The following FOXJ2 variants were observed in gnomAD, a reference collection of about 807,000 sequenced individuals.
The protein encoded by FOXJ2 is forkhead box protein J2.
Under a neutral mutation model 68.4 loss-of-function variants are expected in FOXJ2, and 18 were observed. The observed-to-expected ratio is 0.26, with a 90% CI of 0.18 to 0.39. The LOEUF (loss-of-function observed/expected upper bound fraction) is 0.39. Ranked by LOEUF, FOXJ2 falls within the 10% of genes least tolerant of loss-of-function variation. The pLI is 1.00. For synonymous variants in FOXJ2, 274 were observed against 263.2 expected (o/e 1.04, Z -0.40); for missense variants, 670 against 726.5 (o/e 0.92, Z 0.89).
In FOXJ2 at chr12:8,055,110, A is replaced by C. The variant is rs1176591444; in HGVS notation, c.*2260A>C. 2.0e-5 allele frequency: 3 copies of C among 152,572 alleles called. No homozygotes were observed. Among genetic ancestry groups the C allele is most frequent in the African/African-American group, 7.2e-5 (3 of 41,462 alleles). 9.5% of individuals were successfully genotyped at this position (152,572 alleles called of 1,614,324 possible). ...CCAGTCTTGCTACGTGGCACAGGGC[A>C]AACCTGACTCCCTTTGGGCCTCAGT... On this transcript the variant is annotated 3_prime_UTR_variant, in exon 11 of 11. Coordinates refer to ENST00000162391, the MANE Select transcript of FOXJ2 (RefSeq NM_018416.3).
Position 8,040,396 on chromosome 12 carries a change from G to A in FOXJ2, c.333+231G>A, listed in dbSNP as rs930358590. Among the ~76,000 whole-genome samples, 4 of 151,744 alleles carry A rather than the reference G, an allele frequency of 2.6e-5. No individual in the cohort carries two copies. Among genetic ancestry groups the A allele is most frequent in the Non-Finnish European group, 4.4e-5 (3 of 67,928 alleles). Reference sequence around the variant, plus strand: ...TTAAGTATAGTGATGGGGATGGCAGGACGCTGTTGCTCATCACACCCTCTT... The same window carrying A: ...TTAAGTATAGTGATGGGGATGGCAGAACGCTGTTGCTCATCACACCCTCTT... On this transcript the variant is annotated intron_variant, in intron 2 of 10. Transcript: ENST00000162391. This position sits in a 1 kb window ranked among gnomAD's most constrained non-coding sequence, Gnocchi z 4.0.
At chr12:8,044,718 C>T (rs1446012452) in intron 5 of FOXJ2, 42 bp from the exon 6 acceptor site, 6 of 1,607,572 alleles carry the variant, frequency 3.7e-6, no homozygotes, top group Non-Finnish European at 5.1e-6. Flanking sequence ...ATTGGTCCCT[C>T]AGCTGGGACA....
chr12:8,042,102 T>G (rs181338656), intron 2 of FOXJ2, among the ~76,000 whole-genome samples: 3 of 152,296 alleles, frequency 2.0e-5, no homozygotes, highest in African/African-American at 7.2e-5. Context: ...GGTCTCGAAC[T>G]CCTGACCTCA....
At chr12:8,046,754 A>G (rs1284601439) in intron 6 of FOXJ2, among the ~76,000 whole-genome samples, 1 of 152,148 alleles carries the variant, frequency 6.6e-6, no homozygotes, top group African/African-American at 2.4e-5. Flanking sequence ...CAGTAGCCCT[A>G]TGTTGGCAGC....
Position 8,052,969 on chromosome 12 carries a change from T to C in FOXJ2, c.*119T>C. 1 of 614,080 alleles carries C rather than the reference T, an allele frequency of 1.6e-6. No individual in the cohort carries two copies. The highest frequency in any genetic ancestry group is 2.7e-6 in the Non-Finnish European group (1 of 364,996). The allele number at this position is 614,080 out of a possible 1,614,324, so 38.0% of individuals were successfully genotyped here. ...TATATAGACATATATCCTCTTTTTG[T>C]TCTTTCTCTGTCAGAGAAGCCACTG... On this transcript the variant is annotated 3_prime_UTR_variant, in exon 11 of 11. Coordinates refer to ENST00000162391, the MANE Select transcript of FOXJ2 (RefSeq NM_018416.3).
At chr12:8,049,783 A>G (rs1341358118) in intron 9 of FOXJ2, 5 of 473,466 alleles carry the variant, frequency 1.1e-5, no homozygotes, top group African/African-American at 9.7e-5. Context: ...ATTCCTTTTT[A>G]GACCTCAGTT....
At chr12:8,049,665 T>G (rs1242805337) in intron 9 of FOXJ2, 94 bp downstream of exon 9, 1 of 1,242,448 alleles carries the variant, frequency 8.0e-7, no homozygotes, top group Non-Finnish European at 1.1e-6. Context: ...AAGGATTTTA[T>G]GGGGCAGTGA....
chr12:8,051,955 G>A (rs1361956953), intron 10 of FOXJ2, among the ~76,000 whole-genome samples: 2 of 150,928 alleles, frequency 1.3e-5, no homozygotes, highest in African/African-American at 2.4e-5. Flanking sequence ...TGCAACCTCC[G>A]CCTCCCAGGT....
intron 2 of FOXJ2, among the ~76,000 whole-genome samples, chr12:8,041,537 A>G (rs1200214312): frequency 6.7e-6 from 1 of 150,316 alleles, no homozygotes; most frequent in Non-Finnish European, 1.5e-5. Context: ...ATTTTAAGAC[A>G]GGGTCTTGCT....
Position 8,033,505 on chromosome 12 carries a change from G to C in FOXJ2, c.-343G>C, listed in dbSNP as rs755513391. 3 of 152,774 alleles carry C rather than the reference G, an allele frequency of 2.0e-5. No homozygotes were observed. The highest frequency in any genetic ancestry group is 6.5e-5 in the Admixed American group (1 of 15,276). 9.5% of individuals were successfully genotyped at this position (152,774 alleles called of 1,614,324 possible). The stretch of plus-strand genomic sequence containing the variant: ...CTCCACCTCAGAAAGATCCAGTTTG[G>C]GGGGGAGGGGAACTCCCCCAAGGGG... On this transcript the variant is annotated 5_prime_UTR_variant, in exon 1 of 11. Transcript: ENST00000162391.
At position 8,044,957 on chromosome 12, in the gene FOXJ2, C is replaced by T. The variant is rs115664955; in HGVS notation, c.816C>T (p.His272=). ...AGAAGTCCTCTTCCTCCTCTCAGCA[C>T]GGTGAGTCTGGAGTTGGGATGGGTG... is the stretch of plus-strand genomic sequence containing the variant. ...MLEKSSSSSQ[H]GFSSLLGDIP... Residue 272 remains histidine (H), a splice_region_variant and synonymous_variant, in exon 6 of 11, where the codon CAC becomes CAT. Coordinates refer to ENST00000162391, the MANE Select transcript of FOXJ2 (RefSeq NM_018416.3). 8.8e-4 allele frequency: 1,414 copies of T among 1,614,130 alleles called. 19 individuals carry two copies. In the African/African-American group the frequency reaches 0.016, roughly 18 times the overall value.
At position 8,044,849 on chromosome 12, in the gene FOXJ2, C is replaced by A. The variant is rs772566836; in HGVS notation, c.708C>A (p.Asn236Lys). 4 of 1,613,952 alleles carry A rather than the reference C, an allele frequency of 2.5e-6. No homozygotes were observed. The South Asian group carries it at 4.4e-5, about 18-fold the overall frequency. The change falls in exon 6 of 11, where the codon AAC becomes AAA. Residue 236 changes from asparagine (N) to lysine (K), a missense_variant. This residue lies in a region of FOXJ2 where 555 missense variants were observed against 562.2 expected (regional missense o/e 0.99). Transcript: ENST00000162391. ...GTCCCCCTCCCCTCTATAACACCAA[C>A]CATGACTTTAAATTCTCCTACTCAG... The part of the protein sequence containing the change: ...AEGPPPLYNT[N>K]HDFKFSYSEI...
rs965852327 is a variant in FOXJ2 at position 8,033,738 on chromosome 12, A to T, written c.-110A>T. ...CGTCCAGGAAGAGCCACTGAGGATG[A>T]GAGCCGTCACCTGCCTCTGAAGAGG... On this transcript the variant is annotated 5_prime_UTR_variant, in exon 1 of 11. The change creates a premature stop within an existing upstream ORF in the 5' untranslated region. Coordinates refer to ENST00000162391, the MANE Select transcript of FOXJ2 (RefSeq NM_018416.3). 4 of 152,784 alleles carry T rather than the reference A, an allele frequency of 2.6e-5. No homozygotes were observed. Among genetic ancestry groups the T allele is most frequent in the Non-Finnish European group, 4.4e-5 (3 of 68,152 alleles). 9.5% of individuals were successfully genotyped at this position (152,784 alleles called of 1,614,324 possible).
At chr12:8,034,751 C>G (rs1000085491) in intron 1 of FOXJ2, among the ~76,000 whole-genome samples, 2 of 152,200 alleles carry the variant, frequency 1.3e-5, no homozygotes, top group African/African-American at 4.8e-5. Context: ...ATAGTCTCAT[C>G]CTCTCCCTTC....
Position 8,039,993 on chromosome 12 carries a change from T to G in FOXJ2, c.161T>G (p.Leu54Arg). ...TCACCCACAGATCCTAATGCCACCC[T>G]GAGCAAAGACGAGGCAGCAGTGCAC... is the stretch of plus-strand genomic sequence containing the variant. Reference protein sequence around the residue: ...PGSPTDPNATLSKDEAAVHQD... With the variant: ...PGSPTDPNATRSKDEAAVHQD... Residue 54 changes from leucine to arginine, a missense_variant, in exon 2 of 11, where the codon CTG (leucine) becomes CGG (arginine). Around this residue, in one of 2 missense-constraint regions of FOXJ2, gnomAD observed 115 missense variants for 164.3 expected, o/e 0.70. Coordinates refer to ENST00000162391, the MANE Select transcript of FOXJ2 (RefSeq NM_018416.3). The G allele has an allele frequency of 1.2e-6, 2 of 1,614,078 alleles. No individual in the cohort carries two copies. The highest frequency in any genetic ancestry group is 1.7e-6 in the Non-Finnish European group (2 of 1,180,018).
In FOXJ2 at chr12:8,050,561, C is replaced by G. The variant is rs1242621376; in HGVS notation, c.1577C>G (p.Pro526Arg). The change falls in exon 10 of 11, where the codon CCT becomes CGT. Residue 526 changes from proline to arginine, a missense_variant. Pro to Arg is a moderately radical substitution (Grantham distance 103). This residue lies in a region of FOXJ2 where 555 missense variants were observed against 562.2 expected (regional missense o/e 0.99). Coordinates refer to ENST00000162391, the MANE Select transcript of FOXJ2 (RefSeq NM_018416.3). ...CACCCACAAGCTCCCCACCTCTACC[C>G]TGGCCCATCACCAATGTACCCAATC... ...YGHPQAPHLY[P>R]GPSPMYPIPT... 10 of 1,613,932 alleles carry G rather than the reference C, an allele frequency of 6.2e-6. No individual in the cohort carries two copies. Among genetic ancestry groups the G allele is most frequent in the Non-Finnish European group, 6.8e-6 (8 of 1,179,984 alleles).
At chr12:8,041,439 A>C (rs113187418) in intron 2 of FOXJ2, among the ~76,000 whole-genome samples, 9 of 151,076 alleles carry the variant, frequency 6.0e-5, no homozygotes, top group African/African-American at 2.2e-4. Context: ...TCCTGACCTC[A>C]AATGATCCAC....
Position 8,048,722 on chromosome 12 carries a change from T to C in FOXJ2, c.1251T>C (p.Asn417=). ...CCTTTCCTTCTGACTGGTGCTCTAA[T>C]ATTGACTCTTTAAAGGAAAGCTTCA... ...GFAFPSDWCS[N]IDSLKESFKM... is the part of the protein sequence containing the mutation. Residue 417 remains asparagine (N), a synonymous_variant, in exon 8 of 11, where the codon AAT becomes AAC. Coordinates refer to ENST00000162391, the MANE Select transcript of FOXJ2 (RefSeq NM_018416.3). 6.2e-7 allele frequency: 1 copy of C among 1,614,190 alleles called. No individual in the cohort carries two copies. The highest frequency in any genetic ancestry group is 8.5e-7 in the Non-Finnish European group (1 of 1,180,030).
At chr12:8,045,627 C>T (rs1484997603) in intron 6 of FOXJ2, among the ~76,000 whole-genome samples, 1 of 152,114 alleles carries the variant, frequency 6.6e-6, no homozygotes, top group Middle Eastern at 3.2e-3. Flanking sequence ...GCTGGGATTA[C>T]AGGCGTGAGC....
Sources: gnomAD v4.1 joint callset for allele counts (sites outside exome capture counted in the v4.1 genomes callset) on GRCh38, gnomAD v4.1.1 for gene constraint, gnomAD v4.1.1 regional missense constraint, Gnocchi (gnomAD v3.1) non-coding constraint, MANE v1.5 for transcripts, NCBI Gene and HGNC (gene_info 2026-07-23, HGNC 2026-07-21) for gene names.